MBD5: variants seen among roughly 807,000 people sequenced by gnomAD.
MBD5 encodes methyl-CpG-binding domain protein 5.
MBD5 carries 13 observed loss-of-function variants against 117.3 expected under a neutral mutation model. The ratio of observed to expected loss-of-function variants is 0.11; its 90% CI spans 0.07 to 0.18. The LOEUF is 0.18. Among genes scored for constraint, MBD5 ranks in the 10% least tolerant of loss-of-function variants. The pLI is 1.00. For missense variants in MBD5, 1,879 were observed against 2,093.8 expected (o/e 0.90, Z 2.00); for synonymous variants, 727 against 766.4 (o/e 0.95, Z 0.85).
chr2:148,351,225 C>A (rs1475914994), intron 4 of MBD5, among the ~76,000 whole-genome samples: 2 of 151,912 alleles, frequency 1.3e-5, no homozygotes, highest in Non-Finnish European at 2.9e-5. Context: ...GCATTTTCAT[C>A]ACTCCAAAAA....
intron 1 of MBD5, among the ~76,000 whole-genome samples, chr2:148,104,902 A>G (rs1260230346): frequency 5.3e-5 from 8 of 152,176 alleles, no homozygotes; most frequent in Admixed American, 1.3e-4. Context: ...AGTTAATATA[A>G]TAGGATATTA....
intron 1 of MBD5, among the ~76,000 whole-genome samples, chr2:148,120,337 T>C (rs1264727279): frequency 6.6e-6 from 1 of 152,228 alleles, no homozygotes; most frequent in Non-Finnish European, 1.5e-5. Flanking sequence ...AATCGCCAGC[T>C]TGAGTTTTGA....
chr2:148,177,559 G>A (rs1359642723), intron 1 of MBD5, among the ~76,000 whole-genome samples: 2 of 152,126 alleles, frequency 1.3e-5, no homozygotes, highest in African/African-American at 4.8e-5. Flanking sequence ...ATAACTCAGT[G>A]TTTTTCATAG....
intron 4 of MBD5, among the ~76,000 whole-genome samples, chr2:148,362,321 G>C (rs1047430108): frequency 6.6e-6 from 1 of 152,156 alleles, no homozygotes; most frequent in Non-Finnish European, 1.5e-5. Context: ...CACCATTACT[G>C]AGGCTTCAGT....
At chr2:148,189,283 T>G (rs1377830034) in intron 2 of MBD5, among the ~76,000 whole-genome samples, 1 of 150,008 alleles carries the variant, frequency 6.7e-6, no homozygotes, top group Admixed American at 6.6e-5. Flanking sequence ...CCTGCCTCTG[T>G]AGGCTCCACC....
intron 4 of MBD5, among the ~76,000 whole-genome samples, chr2:148,361,794 A>G (rs1703542431): frequency 6.6e-6 from 1 of 151,994 alleles, no homozygotes; most frequent in South Asian, 2.1e-4. Context: ...AAGGCGGGTA[A>G]TTTCTGTATT....
intron 1 of MBD5, among the ~76,000 whole-genome samples, chr2:148,124,360 T>G (rs1696840389): frequency 6.6e-6 from 1 of 152,106 alleles, no homozygotes; most frequent in African/African-American, 2.4e-5. Flanking sequence ...TTACACTGCT[T>G]GGGCCCAGGA....
chr2:148,234,538 A>G (rs537874410), intron 3 of MBD5, among the ~76,000 whole-genome samples: 59 of 152,316 alleles, frequency 3.9e-4, no homozygotes, highest in Non-Finnish European at 7.8e-4. Flanking sequence ...AAGAAAAAGC[A>G]GCTGTGTTGC....
intron 4 of MBD5, among the ~76,000 whole-genome samples, chr2:148,382,588 C>A (rs1704188485): frequency 6.6e-6 from 1 of 152,162 alleles, no homozygotes; most frequent in Non-Finnish European, 1.5e-5. Context: ...TTGAACTCAG[C>A]TCTGCACCAA....
intron 1 of MBD5, among the ~76,000 whole-genome samples, chr2:148,045,970 G>A (rs1208960099): frequency 7.3e-6 from 1 of 137,418 alleles, no homozygotes; most frequent in African/African-American, 2.7e-5. Context: ...TCTTAATGAA[G>A]TGCCTTTTTT....
chr2:148,116,910 G>GA (rs1385475217), intron 1 of MBD5, among the ~76,000 whole-genome samples: 1 of 152,136 alleles, frequency 6.6e-6, no homozygotes, highest in Non-Finnish European at 1.5e-5. Flanking sequence ...GTGGGCTAGG[G>GA]AACAATGGTT....
At chr2:148,197,821 T>G (rs1416626313) in intron 2 of MBD5, among the ~76,000 whole-genome samples, 147 of 149,074 alleles carry the variant, frequency 9.9e-4, no homozygotes, top group Non-Finnish European at 2.0e-3. Flanking sequence ...TTTTTTTGTT[T>G]TTTTTTTTTG....
intron 3 of MBD5, among the ~76,000 whole-genome samples, chr2:148,247,796 A>C (rs1200081624): frequency 6.6e-6 from 1 of 152,164 alleles, no homozygotes; most frequent in African/African-American, 2.4e-5. Context: ...AGGATTAAAG[A>C]TATTCTAAAA....
chr2:148,297,582 A>G (rs1232644119), intron 3 of MBD5, among the ~76,000 whole-genome samples: 1 of 152,190 alleles, frequency 6.6e-6, no homozygotes, highest in Non-Finnish European at 1.5e-5. Context: ...TTCCAATTAA[A>G]TTCTGTCCCC....
intron 1 of MBD5, among the ~76,000 whole-genome samples, chr2:148,154,919 A>G (rs1697826467): frequency 6.6e-6 from 1 of 152,190 alleles, no homozygotes; most frequent in South Asian, 2.1e-4. Context: ...GGAGCTGTAG[A>G]CAGGAGCTAT....
intron 4 of MBD5, among the ~76,000 whole-genome samples, chr2:148,373,383 A>G (rs1017673117): frequency 1.3e-5 from 2 of 152,144 alleles, no homozygotes; most frequent in Non-Finnish European, 2.9e-5. Context: ...ATGACCTAAC[A>G]CAGTAATGAA....
At chr2:148,205,049 T>C (rs932631516) in intron 2 of MBD5, among the ~76,000 whole-genome samples, 43 of 152,130 alleles carry the variant, frequency 2.8e-4, no homozygotes, top group Middle Eastern at 3.4e-3. Flanking sequence ...CCACTTTTTT[T>C]CCCCAGTCTT....
At chr2:148,025,474 T>G (rs560273371) in intron 1 of MBD5, 1 of 151,988 alleles carries the variant, frequency 6.6e-6, no homozygotes, top group Admixed American at 6.5e-5. Flanking sequence ...TTGCCTTTGC[T>G]GGATTTTTAT....
chr2:148,458,620 T>C lies in MBD5; in HGVS notation c.-139T>C. The stretch of plus-strand genomic sequence containing the variant: ...TCAAGGACTTGGTTCCAAACTGAGC[T>C]GAAGCTTCCCAATGCGTTTTGTACA... On this transcript the variant is annotated 5_prime_UTR_variant, in exon 5 of 14. Coordinates refer to ENST00000642680, the MANE Select transcript of MBD5 (RefSeq NM_001378120.1). The C allele has an allele frequency of 1.4e-6, 1 of 730,922 alleles. No homozygotes were observed. Among genetic ancestry groups the C allele is most frequent in the Admixed American group, 2.0e-5 (1 of 49,088 alleles). 45.3% of individuals were successfully genotyped at this position (730,922 alleles called of 1,614,324 possible).
Sources: allele counts gnomAD v4.1 joint callset (sites outside exome capture counted in the v4.1 genomes callset), GRCh38; gene constraint gnomAD v4.1.1; transcripts MANE v1.5; gene names NCBI Gene and HGNC (gene_info 2026-07-23, HGNC 2026-07-21).